Variants in NARS2 observed in about 807,000 individuals in gnomAD.
The protein encoded by NARS2 is asparaginyl-tRNA synthetase 2, mitochondrial.
Under a neutral mutation model 62.9 loss-of-function variants are expected in NARS2, and 60 were observed. That is an observed-to-expected ratio of 0.95 (90% CI 0.77 to 1.18). The LOEUF is 1.18. Among genes scored for constraint, NARS2 ranks in the 50% most tolerant of loss-of-function variants. NARS2 has a pLI of 0.00. For missense variants in NARS2, 619 were observed against 576.4 expected (o/e 1.07, Z -0.76); for synonymous variants, 196 against 200.0 (o/e 0.98, Z 0.17).
chr11:78,563,668 T>G (rs891953870), intron 4 of NARS2, among the ~76,000 whole-genome samples: 2 of 147,820 alleles, frequency 1.4e-5, no homozygotes, highest in African/African-American at 5.0e-5. Context: ...CCGTCTCTAC[T>G]AAAAATACAA....
At chr11:78,438,479 C>T (rs1469730500) in intron 13 of NARS2, among the ~76,000 whole-genome samples, 20 of 152,162 alleles carry the variant, frequency 1.3e-4, no homozygotes, top group Non-Finnish European at 2.9e-5. Flanking sequence ...CTGGCTGCTA[C>T]AAAGTCCAGC....
chr11:78,523,052 T>C (rs1467353920), intron 6 of NARS2, among the ~76,000 whole-genome samples: 2 of 152,218 alleles, frequency 1.3e-5, no homozygotes, highest in Admixed American at 1.3e-4. Context: ...AAAGGACTTG[T>C]ATGCAGAATA....
chr11:78,465,127 GC>G (rs1195299953), intron 11 of NARS2, among the ~76,000 whole-genome samples: 1 of 152,254 alleles, frequency 6.6e-6, no homozygotes, highest in Non-Finnish European at 1.5e-5. Flanking sequence ...CGGGAAGGCA[GC>G]TAAGGCCTGG....
chr11:78,525,106 G>A (rs1417866275), intron 6 of NARS2, among the ~76,000 whole-genome samples: 2 of 152,174 alleles, frequency 1.3e-5, no homozygotes, highest in African/African-American at 4.8e-5. Flanking sequence ...CTATGGAGAT[G>A]GTAAAACGAT....
chr11:78,463,117 C>T (rs1460787967), intron 11 of NARS2, among the ~76,000 whole-genome samples: 1 of 152,122 alleles, frequency 6.6e-6, no homozygotes, highest in African/African-American at 2.4e-5. Context: ...CAGGCTGGAG[C>T]ACAGTGACAC....
intron 6 of NARS2, among the ~76,000 whole-genome samples, chr11:78,496,238 C>T (rs1394143500): frequency 1.3e-5 from 2 of 152,062 alleles, no homozygotes; most frequent in Non-Finnish European, 2.9e-5. Flanking sequence ...CACCCTATGT[C>T]AGTATCCAAA....
At chr11:78,527,775 A>G (rs144058867) in intron 6 of NARS2, among the ~76,000 whole-genome samples, 1 of 152,204 alleles carries the variant, frequency 6.6e-6, no homozygotes. Flanking sequence ...AGAAAAAGAT[A>G]CATAAAGAAA....
chr11:78,561,606 C>A (rs745510664), intron 4 of NARS2, among the ~76,000 whole-genome samples: 1 of 152,182 alleles, frequency 6.6e-6, no homozygotes, highest in African/African-American at 2.4e-5. Context: ...ACGGCCCATA[C>A]ACATCAGTAA....
intron 6 of NARS2, among the ~76,000 whole-genome samples, chr11:78,496,495 G>A (rs560640441): frequency 7.9e-5 from 12 of 152,206 alleles, no homozygotes; most frequent in African/African-American, 2.9e-4. Flanking sequence ...CTTAGTAAAT[G>A]GTGGAAGCCA....
rs117962070 is a variant in NARS2 at position 78,501,113 on chromosome 11, A to G, written c.690-7918T>C. On this transcript the variant is annotated intron_variant, in intron 6 of 13. Coordinates refer to ENST00000281038, the MANE Select transcript of NARS2 (RefSeq NM_024678.6). Reference sequence around the variant, plus strand: ...TCTCAAACACACATACACACACACAAAACAAAAACAATGACAAGTCCATTA... The same window carrying G: ...TCTCAAACACACATACACACACACAGAACAAAAACAATGACAAGTCCATTA... 2.2e-3 allele frequency among the ~76,000 whole-genome samples: 341 copies of G among 152,332 alleles called. 1 individual carries two copies. The highest frequency in any genetic ancestry group is 4.2e-3 in the Admixed American group (64 of 15,300).
intron 5 of NARS2, among the ~76,000 whole-genome samples, chr11:78,530,094 TATA>T (rs927955009): frequency 2.0e-5 from 3 of 152,214 alleles, no homozygotes; most frequent in South Asian, 4.1e-4. Context: ...CTTTTATTTT[TATA>T]ATAACTGCCT....
chr11:78,502,478 A>G (rs573652887), intron 6 of NARS2, among the ~76,000 whole-genome samples: 4 of 152,196 alleles, frequency 2.6e-5, no homozygotes, highest in Non-Finnish European at 5.9e-5. Flanking sequence ...TTTTAACAGT[A>G]CTATCTTCAA....
At position 78,485,195 on chromosome 11, in the gene NARS2, T is replaced by C. The variant is rs973964096; in HGVS notation, c.823-6512A>G. 8.1e-5 allele frequency among the ~76,000 whole-genome samples: 12 copies of C among 148,434 alleles called. No homozygotes were observed. The East Asian group carries it at 2.4e-3, about 30-fold the overall frequency. ...GTGGGAGTTGAACAATGAGAACACA[T>C]GGACACAGGGAGGGGAACATCACAC... On this transcript the variant is annotated intron_variant, in intron 7 of 13. Transcript: ENST00000281038.
intron 5 of NARS2, among the ~76,000 whole-genome samples, chr11:78,534,741 T>A (rs549155786): frequency 2.0e-5 from 3 of 152,182 alleles, no homozygotes; most frequent in Non-Finnish European, 2.9e-5. Flanking sequence ...TACCTGGGAA[T>A]AGCAGTTACT....
intron 6 of NARS2, among the ~76,000 whole-genome samples, chr11:78,528,209 A>G (rs1490087064): frequency 2.6e-4 from 40 of 152,172 alleles, no homozygotes; most frequent in Admixed American, 2.6e-3. Flanking sequence ...CCTGGGCAAT[A>G]AGCGAGATCC....
At chr11:78,545,722 T>TG (rs967511304) in intron 5 of NARS2, among the ~76,000 whole-genome samples, 7 of 151,932 alleles carry the variant, frequency 4.6e-5, no homozygotes, top group African/African-American at 9.7e-5. Context: ...AGATGGGAGA[T>TG]GGGGTTCTGT....
rs141737489 is a variant in NARS2 at position 78,528,196 on chromosome 11, C to T, written c.689+646G>A. ...GAGCTATGACTGTGCAACTACACTC[C>T]AGCCTGGGCAATAAGCGAGATCCCA... is the stretch of plus-strand genomic sequence containing the variant. On this transcript the variant is annotated intron_variant, in intron 6 of 13. Coordinates refer to ENST00000281038, the MANE Select transcript of NARS2 (RefSeq NM_024678.6). Among the ~76,000 whole-genome samples, 378 of 152,074 alleles carry T rather than the reference C, an allele frequency of 2.5e-3. 1 individual carries two copies. Among genetic ancestry groups the T allele is most frequent in the African/African-American group, 8.3e-3 (344 of 41,462 alleles).
At chr11:78,553,541 G>A (rs992697608) in intron 5 of NARS2, among the ~76,000 whole-genome samples, 3 of 152,050 alleles carry the variant, frequency 2.0e-5, no homozygotes, top group African/African-American at 4.8e-5. Flanking sequence ...CATCCAACTC[G>A]GCCTCCCAAA....
chr11:78,552,219 C>T (rs1856153014), intron 5 of NARS2, among the ~76,000 whole-genome samples: 1 of 152,182 alleles, frequency 6.6e-6, no homozygotes, highest in African/African-American at 2.4e-5. Context: ...TCATTTAGCT[C>T]CCACTTACAA....
Sources: gnomAD v4.1 joint callset for allele counts (sites outside exome capture counted in the v4.1 genomes callset) on GRCh38, gnomAD v4.1.1 for gene constraint, MANE v1.5 for transcripts, NCBI Gene and HGNC (gene_info 2026-07-23, HGNC 2026-07-21) for gene names.